UBR2: variants seen among roughly 807,000 people sequenced by gnomAD.
UBR2 encodes ubiquitin protein ligase E3 component n-recognin 2, also known as E3 ubiquitin-protein ligase UBR2.
Under a neutral mutation model 247.9 loss-of-function variants are expected in UBR2, and 92 were observed. The ratio of observed to expected loss-of-function variants is 0.37; its 90% CI spans 0.31 to 0.44. UBR2 has a LOEUF of 0.44. Ranked by LOEUF, UBR2 falls within the 20% of genes least tolerant of loss-of-function variation. The probability of loss-of-function intolerance (pLI) is 1.00; values close to 1 mark genes in which losing one functional copy is unlikely to be tolerated. For synonymous variants in UBR2, 672 were observed against 693.5 expected, an observed-to-expected ratio of 0.97 and a Z score of 0.49; for missense variants, 1,613 against 2,112.6, an observed-to-expected ratio of 0.76 and a Z score of 4.64.
chr6:42,656,278 T>C (rs1797434178), intron 26 of UBR2, among the ~76,000 whole-genome samples: 1 of 152,246 alleles, frequency 6.6e-6, no homozygotes, highest in African/African-American at 2.4e-5. Flanking sequence ...TTACCTGCAA[T>C]TGTGGCAATT....
At position 42,605,772 on chromosome 6, in the gene UBR2, C is replaced by T; in HGVS notation, c.714C>T (p.Thr238=). The change falls in exon 6 of 47, where the codon ACC becomes ACT. Residue 238 remains threonine, a synonymous_variant. Transcript: ENST00000372901. ...TGCTGTTTAATGATGAGGTTCACAC[C>T]TATGAACAAGTTATTTATACTCTTC... ...YCMLFNDEVH[T]YEQVIYTLQK... is the part of the protein sequence containing the mutation. 1 of 1,612,642 alleles carries T rather than the reference C, an allele frequency of 6.2e-7. No individual in the cohort carries two copies. Among genetic ancestry groups the T allele is most frequent in the Non-Finnish European group, 8.5e-7 (1 of 1,179,340 alleles).
chr6:42,630,692 A>G (rs1010818361), intron 11 of UBR2, among the ~76,000 whole-genome samples: 1 of 152,192 alleles, frequency 6.6e-6, no homozygotes, highest in African/African-American at 2.4e-5. Flanking sequence ...ACTCAGTTTT[A>G]TATTTACAGA....
chr6:42,658,843 A>G lies in UBR2; in HGVS notation c.3242+19A>G. ...ATCATAGGTAAAAAAAAAAAAAAAA[A>G]AAATTAATGTCTTGACGAGTTTTTC... On this transcript the variant is annotated intron_variant, in intron 29 of 46. Coordinates refer to ENST00000372901, the MANE Select transcript of UBR2 (RefSeq NM_001363705.2). 2.0e-6 allele frequency: 3 copies of G among 1,526,234 alleles called. No individual in the cohort carries two copies. The highest frequency in any genetic ancestry group is 2.6e-6 in the Non-Finnish European group (3 of 1,141,886). The allele number at this position is 1,526,234 out of a possible 1,614,324, so 94.5% of individuals were successfully genotyped here.
intron 30 of UBR2, 38 bp from the exon 31 acceptor site, chr6:42,662,146 T>C (rs1466750918): frequency 6.8e-6 from 9 of 1,325,446 alleles, no homozygotes; most frequent in Non-Finnish European, 9.6e-6. Flanking sequence ...AATTAAATGC[T>C]TCACTTTTGT....
intron 4 of UBR2, among the ~76,000 whole-genome samples, chr6:42,599,401 C>T (rs1434582347): frequency 6.6e-6 from 1 of 151,816 alleles, no homozygotes; most frequent in Non-Finnish European, 1.5e-5. Flanking sequence ...ATGAGAGAGA[C>T]CCTCTTAAAG....
chr6:42,632,948 T>TC (rs1424511205), intron 13 of UBR2, 44 bp downstream of exon 13: 4 of 1,127,470 alleles, frequency 3.5e-6, no homozygotes, highest in Non-Finnish European at 4.8e-6. Context: ...TTTTTTTTTT[T>TC]CTCTTTTCTC....
At chr6:42,625,493 AAGCTGGAGTGC>A (rs1795286303) in intron 11 of UBR2, among the ~76,000 whole-genome samples, 1 of 152,070 alleles carries the variant, frequency 6.6e-6, no homozygotes, top group African/African-American at 2.4e-5. Flanking sequence ...TTTGTCACCC[AAGCTGGAGTGC>A]AGTGGCATGA....
rs190012108 is a variant in UBR2 at position 42,605,881 on chromosome 6, A to G, written c.801+22A>G. ...AGATGTAAGTAATTTTACCATGTTG[A>G]TAATAAATTGAATTTTTACTATAGG... On this transcript the variant is annotated intron_variant, in intron 6 of 46. Coordinates refer to ENST00000372901, the MANE Select transcript of UBR2 (RefSeq NM_001363705.2). The G allele has an allele frequency of 2.8e-5, 44 of 1,590,258 alleles. No individual in the cohort carries two copies. The African/African-American group carries it at 5.1e-4, about 19-fold the overall frequency.
chr6:42,609,125 A>G (rs1158082397), intron 7 of UBR2, among the ~76,000 whole-genome samples: 1 of 152,236 alleles, frequency 6.6e-6, no homozygotes, highest in Non-Finnish European at 1.5e-5. Flanking sequence ...AGATGCAAAG[A>G]CTGGGAATAC....
At position 42,606,604 on chromosome 6, in the gene UBR2, C is replaced by T; in HGVS notation, c.817C>T (p.Arg273Ter). 6.2e-7 allele frequency: 1 copy of T among 1,609,152 alleles called. No homozygotes were observed. Among genetic ancestry groups the T allele is most frequent in the South Asian group, 1.1e-5 (1 of 89,720 alleles). Residue 273 changes from arginine (R) to a stop codon, truncating the protein, a stop_gained, in exon 7 of 47, where the codon CGA becomes TGA. Coordinates refer to ENST00000372901, the MANE Select transcript of UBR2 (RefSeq NM_001363705.2). LOFTEE classifies it high-confidence loss of function. ...ATCTTTACAGGGGCGTAGGTCTGTT[C>T]GATATGGAGATTTTCAGTATTGTGA... Reference protein sequence around the residue: ...TVDRDGRRSVRYGDFQYCEQA... With the variant: ...TVDRDGRRSV
rs1453870930 is a variant in UBR2, at chr6:42,619,429, ATATATATATATATATATATATATATTTT to A, written c.1281+1924_1281+1951del. On this transcript the variant is annotated intron_variant, in intron 11 of 46. Transcript: ENST00000372901. ...GTTATGAACATATATATATATATAT[ATATATATATATATATATATATATATTTT>A]TTTTTTTTAGTTCTCTATCTCTGCT... 11 of 15,338 alleles carry A rather than the reference ATATATATATATATATATATATATATTTT, an allele frequency of 7.2e-4. 1 individual carries two copies. The highest frequency in any genetic ancestry group is 1.4e-3 in the African/African-American group (5 of 3,592). The allele number at this position is 15,338 out of a possible 1,614,324, so 1.0% of individuals were successfully genotyped here. A position where few individuals can be genotyped will look rare whatever the true frequency, so the allele number is the denominator to read the frequency against.
At position 42,650,372 on chromosome 6, in the gene UBR2, G is replaced by A; in HGVS notation, c.2551G>A (p.Ala851Thr). The change falls in exon 23 of 47, where the codon GCA (alanine) becomes ACA (threonine). Residue 851 changes from alanine (A) to threonine (T), a missense_variant. Ala to Thr is a moderately conservative substitution (Grantham distance 58, BLOSUM62 0). Transcript: ENST00000372901. ...FNLYFYHFSR[A>T]EQSKAEEAQR... The stretch of plus-strand genomic sequence containing the variant: ...CTTGTATTTCTATCACTTTTCAAGG[G>A]CAGAACAGTCCAAGGTAATTGGGAA... The A allele has an allele frequency of 1.2e-6, 2 of 1,613,470 alleles. No homozygotes were observed. Among genetic ancestry groups the A allele is most frequent in the Non-Finnish European group, 1.7e-6 (2 of 1,179,582 alleles).
intron 4 of UBR2, 58 bp downstream of exon 4, chr6:42,594,362 G>A: frequency 7.5e-7 from 1 of 1,334,732 alleles, no homozygotes; most frequent in Non-Finnish European, 1.1e-6. Flanking sequence ...TTGAGAAATA[G>A]TCATTAGATG....
rs750534372 is a variant in UBR2 at position 42,688,356 on chromosome 6, C to G, written c.4994C>G (p.Ser1665Cys). Residue 1665 changes from serine to cysteine, a missense_variant, in exon 45 of 47, where the codon TCC (serine) becomes TGC (cysteine). Around this residue, in one of 3 missense-constraint regions of UBR2, gnomAD observed 80 missense variants for 108.6 expected, o/e 0.74. Coordinates refer to ENST00000372901, the MANE Select transcript of UBR2 (RefSeq NM_001363705.2). ...DVGACTAHTY[S>C]CGSGVGIFLR... Reference sequence around the variant, plus strand: ...GGAGCCTGCACAGCTCACACCTACTCCTGTGGCTCTGGAGTGGGCATCTTC... The same window carrying G: ...GGAGCCTGCACAGCTCACACCTACTGCTGTGGCTCTGGAGTGGGCATCTTC... The G allele has an allele frequency of 9.3e-6, 15 of 1,613,490 alleles. No individual in the cohort carries two copies. The highest frequency in any genetic ancestry group is 1.3e-5 in the African/African-American group (1 of 74,896).
intron 1 of UBR2, among the ~76,000 whole-genome samples, chr6:42,571,736 CAAA>C (rs55993422): frequency 2.4e-4 from 20 of 82,096 alleles, no homozygotes; most frequent in Middle Eastern, 5.1e-3. Flanking sequence ...GCACGAGACT[CAAA>C]AAAAAAAAAA....
At chr6:42,604,514 T>C (rs1277380779) in intron 5 of UBR2, among the ~76,000 whole-genome samples, 1 of 152,158 alleles carries the variant, frequency 6.6e-6, no homozygotes, top group African/African-American at 2.4e-5. Flanking sequence ...CCTCATGATT[T>C]TTACTATAGT....
At chr6:42,633,723 G>A (rs985114929) in intron 13 of UBR2, among the ~76,000 whole-genome samples, 4 of 144,582 alleles carry the variant, frequency 2.8e-5, no homozygotes, top group Non-Finnish European at 4.5e-5. Context: ...TTTGTTTTTT[G>A]TTTTGTTTTG....
intron 20 of UBR2, among the ~76,000 whole-genome samples, chr6:42,645,135 G>GCT (rs1796680270): frequency 6.6e-6 from 1 of 152,138 alleles, no homozygotes; most frequent in East Asian, 1.9e-4. Flanking sequence ...GGAAAGGAAG[G>GCT]CTCTCTCTCC....
At chr6:42,568,458 G>A (rs970852786) in intron 1 of UBR2, among the ~76,000 whole-genome samples, 2 of 152,036 alleles carry the variant, frequency 1.3e-5, no homozygotes, top group African/African-American at 2.4e-5. Flanking sequence ...GGCCAGGCGC[G>A]GTGGCTCACA....
Sources: gnomAD v4.1 joint callset for allele counts (sites outside exome capture counted in the v4.1 genomes callset) on GRCh38, gnomAD v4.1.1 for gene constraint, gnomAD v4.1.1 regional missense constraint, MANE v1.5 for transcripts, NCBI Gene and HGNC (gene_info 2026-07-23, HGNC 2026-07-21) for gene names.